Variants in LRFN5 observed in about 807,000 individuals in gnomAD.
The protein encoded by LRFN5 is leucine rich repeat and fibronectin type III domain containing 5, also known as leucine-rich repeat and fibronectin type-III domain-containing protein 5.
Under a neutral mutation model 45.6 loss-of-function variants are expected in LRFN5, and 24 were observed. That is an observed-to-expected ratio of 0.53 (90% confidence interval 0.38 to 0.74). LRFN5 has a LOEUF of 0.74. Among genes scored for constraint, LRFN5 ranks in the 30% least tolerant of loss-of-function variants. The pLI is 0.00. For missense variants in LRFN5, 776 were observed against 861.5 expected (o/e 0.90, Z 1.24); for synonymous variants, 340 against 313.8 (o/e 1.08, Z -0.88).
chr14:41,649,660 A>G (rs1450759786), intron 1 of LRFN5, among the ~76,000 whole-genome samples: 1 of 152,084 alleles, frequency 6.6e-6, no homozygotes, highest in East Asian at 1.9e-4. Context: ...CAGGTTCCTC[A>G]TCCTCCACAT....
At chr14:41,737,155 G>A (rs1405611066) in intron 1 of LRFN5, among the ~76,000 whole-genome samples, 5 of 152,048 alleles carry the variant, frequency 3.3e-5, no homozygotes, top group South Asian at 2.1e-4. Flanking sequence ...TATCCACCAC[G>A]ATCAAGTTGG....
At chr14:41,800,712 A>AATATATAC (rs1887297595) in intron 2 of LRFN5, among the ~76,000 whole-genome samples, 1 of 151,848 alleles carries the variant, frequency 6.6e-6, no homozygotes, top group Non-Finnish European at 1.5e-5. Flanking sequence ...ATCAGAGGAA[A>AATATATAC]ATATATACAA....
intron 1 of LRFN5, among the ~76,000 whole-genome samples, chr14:41,615,931 T>C (rs1192567459): frequency 6.6e-6 from 1 of 152,130 alleles, no homozygotes; most frequent in Non-Finnish European, 1.5e-5. Flanking sequence ...CATTTATCTT[T>C]TGAATTACAA....
At position 41,663,861 on chromosome 14, in the gene LRFN5, GAAAT is replaced by G. The variant is rs757131412; in HGVS notation, c.-197+55305_-197+55308del. 2.0e-4 allele frequency among the ~76,000 whole-genome samples: 30 copies of G among 151,958 alleles called. 1 individual carries two copies. Among genetic ancestry groups the G allele is most frequent in the Admixed American group, 5.9e-4 (9 of 15,220 alleles). On this transcript the variant is annotated intron_variant, in intron 1 of 5. Transcript: ENST00000298119. ...TAATAAGATGAACTCATATAAAAAT[GAAAT>G]AAATAGTTTTTTTAAATGAAAAACC...
At chr14:41,812,785 C>T (rs977954586) in intron 2 of LRFN5, among the ~76,000 whole-genome samples, 20 of 151,954 alleles carry the variant, frequency 1.3e-4, no homozygotes, top group African/African-American at 4.8e-4. Flanking sequence ...TGATTGCCTT[C>T]TGAGCAATAT....
chr14:41,775,100 T>TC, intron 2 of LRFN5, among the ~76,000 whole-genome samples: 1 of 137,646 alleles, frequency 7.3e-6, no homozygotes, highest in East Asian at 2.3e-4. Flanking sequence ...TTTCTTTTTT[T>TC]TTTTTTTTGA....
chr14:41,831,492 C>A (rs139541224), intron 2 of LRFN5, among the ~76,000 whole-genome samples: 1 of 151,938 alleles, frequency 6.6e-6, no homozygotes, highest in Non-Finnish European at 1.5e-5. Flanking sequence ...ATACACACAG[C>A]GTATGCTATA....
chr14:41,643,672 T>A (rs1243008143), intron 1 of LRFN5, among the ~76,000 whole-genome samples: 1 of 151,726 alleles, frequency 6.6e-6, no homozygotes, highest in African/African-American at 2.4e-5. Flanking sequence ...CTCTCCCCAC[T>A]GGCATGCACG....
chr14:41,771,447 A>C (rs759350754), intron 2 of LRFN5, among the ~76,000 whole-genome samples: 8 of 151,950 alleles, frequency 5.3e-5, no homozygotes, highest in Non-Finnish European at 8.8e-5. Flanking sequence ...CTTTAAATAT[A>C]AGTTTCAACT....
intron 2 of LRFN5, among the ~76,000 whole-genome samples, chr14:41,868,901 C>T (rs890334647): frequency 1.3e-5 from 2 of 152,060 alleles, no homozygotes; most frequent in African/African-American, 2.4e-5. Flanking sequence ...TCCTATATGT[C>T]CCATGGAAAC....
intron 1 of LRFN5, among the ~76,000 whole-genome samples, chr14:41,627,029 T>G (rs1322735645): frequency 6.6e-6 from 1 of 152,156 alleles, no homozygotes; most frequent in Non-Finnish European, 1.5e-5. Context: ...ATCTTTGCTC[T>G]GTACATTTTC....
At chr14:41,872,225 T>C (rs1890042990) in intron 2 of LRFN5, among the ~76,000 whole-genome samples, 1 of 152,254 alleles carries the variant, frequency 6.6e-6, no homozygotes, top group Non-Finnish European at 1.5e-5. Flanking sequence ...ATAACTTTTA[T>C]GGCTATGACT....
rs59129586 is a variant in LRFN5, at chr14:41,704,448, C to CTGTGTGTGTGTGTGTGTG, written c.-196-62393_-196-62392insGTGTGTGTGTGTGTGTGT. ...TCTCTCTCTCTCTCTCTCTCTCTCT[C>CTGTGTGTGTGTGTGTGTG]TGTGTGTGTGTGTCTGTGAGATTTG... On this transcript the variant is annotated intron_variant, in intron 1 of 5. Transcript: ENST00000298119. Among the ~76,000 whole-genome samples, 361 of 124,240 alleles carry CTGTGTGTGTGTGTGTGTG rather than the reference C, an allele frequency of 2.9e-3. 5 individuals carry two copies. The highest frequency in any genetic ancestry group is 4.5e-3 in the Non-Finnish European group (287 of 63,140). 81.5% of individuals were successfully genotyped at this position (124,240 alleles called of 152,430 possible).
chr14:41,881,086 C>G (rs1890362820), intron 2 of LRFN5, among the ~76,000 whole-genome samples: 2 of 152,096 alleles, frequency 1.3e-5, no homozygotes, highest in Non-Finnish European at 2.9e-5. Context: ...ACTCTTACAT[C>G]CCATTCGTGT....
chr14:41,704,405 CTT>C (rs879802827), intron 1 of LRFN5, among the ~76,000 whole-genome samples: 3,393 of 101,950 alleles, frequency 0.033, 37 homozygotes, highest in African/African-American at 0.054. Flanking sequence ...TATTGTTATA[CTT>C]TTCTCTCTCT....
intron 1 of LRFN5, among the ~76,000 whole-genome samples, chr14:41,661,932 T>A (rs1880675277): frequency 6.6e-6 from 1 of 152,078 alleles, no homozygotes; most frequent in Admixed American, 6.6e-5. Context: ...AAAGCATTCA[T>A]TAACTACTTA....
In LRFN5 at chr14:41,879,916, C is replaced by CT. The variant is rs34553310; in HGVS notation, c.-20-6664dup. ...ATTATCTTGCAGGGATCAATTTTTCCTTTTTTTTTTTTTTTTTTTTTTTTT... is the reference window on the plus strand; with the variant it reads ...ATTATCTTGCAGGGATCAATTTTTCCTTTTTTTTTTTTTTTTTTTTTTTTTT... On this transcript the variant is annotated intron_variant, in intron 2 of 5. Coordinates refer to ENST00000298119, the MANE Select transcript of LRFN5 (RefSeq NM_152447.5). Among the ~76,000 whole-genome samples the CT allele has an allele frequency of 5.6e-3, 319 of 56,470 alleles. 15 individuals are homozygous for CT. The highest frequency in any genetic ancestry group is 0.016 in the African/African-American group (217 of 13,516). 37.0% of individuals were successfully genotyped at this position (56,470 alleles called of 152,430 possible).
At chr14:41,791,111 A>G (rs1460156263) in intron 2 of LRFN5, among the ~76,000 whole-genome samples, 1 of 151,934 alleles carries the variant, frequency 6.6e-6, no homozygotes, top group African/African-American at 2.4e-5. Flanking sequence ...AGAGTTAAAA[A>G]TGTTAACATT....
chr14:41,894,964 A>G (rs1273567331), intron 4 of LRFN5: 4 of 976,080 alleles, frequency 4.1e-6, no homozygotes, highest in Non-Finnish European at 3.7e-6. Context: ...TGAAGATTAT[A>G]TATACATATA....
Sources: gnomAD v4.1 joint callset for allele counts (sites outside exome capture counted in the v4.1 genomes callset) on GRCh38, gnomAD v4.1.1 for gene constraint, MANE v1.5 for transcripts, NCBI Gene and HGNC (gene_info 2026-07-23, HGNC 2026-07-21) for gene names.